The following GABRG3 variants were observed in gnomAD, a reference collection of about 807,000 sequenced individuals.
GABRG3 encodes gamma-aminobutyric acid type A receptor subunit gamma3, also known as gamma-aminobutyric acid receptor subunit gamma-3.
Under a neutral mutation model 48.8 loss-of-function variants are expected in GABRG3, and 25 were observed. The observed-to-expected ratio is 0.51, with a 90% CI of 0.37 to 0.72. The LOEUF is 0.72. Ranked by LOEUF, GABRG3 falls within the 30% of genes least tolerant of loss-of-function variation. GABRG3 has a pLI of 0.00. For synonymous variants in GABRG3, 227 were observed against 217.6 expected, an observed-to-expected ratio of 1.04 and a Z score of -0.38; for missense variants, 394 against 577.9, an observed-to-expected ratio of 0.68 and a Z score of 3.26.
chr15:27,041,669 A>C (rs1896279045), intron 3 of GABRG3, among the ~76,000 whole-genome samples: 1 of 152,236 alleles, frequency 6.6e-6, no homozygotes, highest in South Asian at 2.1e-4. Context: ...TACATTTGCC[A>C]ATCATCAAAG....
chr15:27,360,449 C>T (rs189765275), intron 5 of GABRG3, among the ~76,000 whole-genome samples: 72 of 152,332 alleles, frequency 4.7e-4, no homozygotes, highest in African/African-American at 1.7e-3. Flanking sequence ...CCACCAGAAA[C>T]ACACTTCTCT....
intron 7 of GABRG3, among the ~76,000 whole-genome samples, chr15:27,523,685 A>G (rs1891209993): frequency 6.6e-6 from 1 of 151,978 alleles, no homozygotes; most frequent in African/African-American, 2.4e-5. Flanking sequence ...GAAGAACTCA[A>G]TGAAATTTTT....
chr15:27,395,345 C>T (rs890696583), intron 5 of GABRG3, among the ~76,000 whole-genome samples: 1 of 152,128 alleles, frequency 6.6e-6, no homozygotes, highest in Non-Finnish European at 1.5e-5. Flanking sequence ...ATTGCAGTCC[C>T]TCATTTGATG....
At chr15:27,167,050 C>A (rs1887397589) in intron 3 of GABRG3, among the ~76,000 whole-genome samples, 1 of 152,118 alleles carries the variant, frequency 6.6e-6, no homozygotes, top group African/African-American at 2.4e-5. Flanking sequence ...AGCTATCAGC[C>A]CCTCTCTCCA....
At chr15:27,521,298 A>T (rs541236577) in intron 7 of GABRG3, among the ~76,000 whole-genome samples, 1 of 152,246 alleles carries the variant, frequency 6.6e-6, no homozygotes, top group African/African-American at 2.4e-5. Context: ...TTAGACACCA[A>T]AAAGTCTGTG....
At chr15:27,093,649 A>G (rs2140758362) in intron 3 of GABRG3, among the ~76,000 whole-genome samples, 1 of 152,306 alleles carries the variant, frequency 6.6e-6, no homozygotes, top group South Asian at 2.1e-4. Context: ...ATTTTTAAAA[A>G]TTTTAGAAAG....
intron 6 of GABRG3, among the ~76,000 whole-genome samples, chr15:27,508,736 T>C (rs1037066077): frequency 2.6e-5 from 4 of 151,982 alleles, no homozygotes; most frequent in Admixed American, 2.6e-4. Flanking sequence ...GTTGTTGAGA[T>C]GGAGTCTCGC....
chr15:27,422,605 G>T (rs1271649709), intron 5 of GABRG3, among the ~76,000 whole-genome samples: 2 of 152,172 alleles, frequency 1.3e-5, no homozygotes, highest in Non-Finnish European at 2.9e-5. Context: ...TTATCTCTCT[G>T]TCAACACTGA....
At chr15:27,297,994 A>G (rs897683818) in intron 3 of GABRG3, among the ~76,000 whole-genome samples, 2 of 152,060 alleles carry the variant, frequency 1.3e-5, no homozygotes, top group Non-Finnish European at 2.9e-5. Context: ...ATTAAAAATC[A>G]TTATAGATCC....
intron 3 of GABRG3, among the ~76,000 whole-genome samples, chr15:27,306,769 TACAATATAAACATGTTTATATATAAAC>T (rs1892514466): frequency 9.0e-6 from 1 of 111,452 alleles, no homozygotes; most frequent in African/African-American, 3.6e-5. Context: ...TATATAAACA[TACAATATAAACATGTTTATATATAAAC>T]ATACAATATA....
chr15:27,058,736 C>A (rs1896595522), intron 3 of GABRG3, among the ~76,000 whole-genome samples: 13 of 151,876 alleles, frequency 8.6e-5, no homozygotes, highest in Admixed American at 8.5e-4. Context: ...GTGCTTAAGA[C>A]CGATTTAGTC....
chr15:27,058,061 T>C (rs1896582301), intron 3 of GABRG3, among the ~76,000 whole-genome samples: 1 of 152,134 alleles, frequency 6.6e-6, no homozygotes, highest in Admixed American at 6.5e-5. Flanking sequence ...GCTTTGCCCG[T>C]GGTTGGGTGG....
rs1461306095 is a variant in GABRG3, at chr15:27,079,232, A to G, written c.270+52411A>G. Among the ~76,000 whole-genome samples, 4 of 152,126 alleles carry G rather than the reference A, an allele frequency of 2.6e-5. 1 individual carries two copies. Among genetic ancestry groups the G allele is most frequent in the Non-Finnish European group, 5.9e-5 (4 of 68,034 alleles). ...GGAGGCTTCATGAAAATCCCTAATCAAAGAGCCAGGAGTTGCTAAAGGAGC... is the reference window on the plus strand; with the variant it reads ...GGAGGCTTCATGAAAATCCCTAATCGAAGAGCCAGGAGTTGCTAAAGGAGC... On this transcript the variant is annotated intron_variant, in intron 3 of 9. Transcript: ENST00000615808.
At chr15:27,085,963 T>C (rs1403796053) in intron 3 of GABRG3, among the ~76,000 whole-genome samples, 3 of 152,314 alleles carry the variant, frequency 2.0e-5, no homozygotes, top group South Asian at 2.1e-4. Context: ...AAACATTTCA[T>C]TGAAGAACTT....
At chr15:27,251,362 G>GGAAACA (rs1421919502) in intron 3 of GABRG3, among the ~76,000 whole-genome samples, 1 of 152,134 alleles carries the variant, frequency 6.6e-6, no homozygotes, top group Non-Finnish European at 1.5e-5. Context: ...TCCCAGACAG[G>GGAAACA]TTGGAAGAAG....
chr15:27,308,702 A>G (rs1375164201), intron 3 of GABRG3, among the ~76,000 whole-genome samples: 1 of 149,746 alleles, frequency 6.7e-6, no homozygotes, highest in Non-Finnish European at 1.5e-5. Context: ...TATAATGTAA[A>G]CATACGTTTA....
intron 3 of GABRG3, among the ~76,000 whole-genome samples, chr15:27,202,027 C>G (rs1351557851): frequency 1.3e-5 from 2 of 152,136 alleles, no homozygotes; most frequent in African/African-American, 4.8e-5. Flanking sequence ...TATTCAGCAG[C>G]ATTTCATTGC....
intron 5 of GABRG3, among the ~76,000 whole-genome samples, chr15:27,448,934 C>G (rs1029195511): frequency 6.6e-6 from 1 of 152,126 alleles, no homozygotes; most frequent in African/African-American, 2.4e-5. Flanking sequence ...TTCAGGCAGA[C>G]TCAGGAAACA....
intron 5 of GABRG3, among the ~76,000 whole-genome samples, chr15:27,472,210 A>C (rs1566856637): frequency 6.6e-6 from 1 of 151,922 alleles, no homozygotes; most frequent in Non-Finnish European, 1.5e-5. Flanking sequence ...ATTTAGGAAA[A>C]TATTTCTACT....
Sources: allele counts gnomAD v4.1 joint callset (sites outside exome capture counted in the v4.1 genomes callset), GRCh38; gene constraint gnomAD v4.1.1; transcripts MANE v1.5; gene names NCBI Gene and HGNC (gene_info 2026-07-23, HGNC 2026-07-21).